CARS2: variants seen among roughly 807,000 people sequenced by gnomAD.
The protein encoded by CARS2 is probable cysteine--tRNA ligase, mitochondrial.
In CARS2, 52 loss-of-function variants were observed where a neutral mutation model predicts 68.8. That is an observed-to-expected ratio of 0.76 (90% CI 0.61 to 0.95). The LOEUF (loss-of-function observed/expected upper bound fraction) is 0.95. CARS2 is among the 40% of genes least tolerant of loss of function. CARS2 has a pLI of 0.00. For missense variants in CARS2, 780 were observed against 754.2 expected (o/e 1.03, Z -0.40); for synonymous variants, 314 against 303.6 (o/e 1.03, Z -0.36).
At chr13:110,659,161 C>G (rs148819079) in intron 9 of CARS2, among the ~76,000 whole-genome samples, 1 of 152,072 alleles carries the variant, frequency 6.6e-6, no homozygotes, top group Non-Finnish European at 1.5e-5. Context: ...TGCACACACA[C>G]GCTCACCACT....
intron 11 of CARS2, 95 bp from the exon 12 acceptor site, chr13:110,646,185 G>C (rs74127066): frequency 7.1e-7 from 1 of 1,407,592 alleles, no homozygotes; most frequent in African/African-American, 1.5e-5. Flanking sequence ...GACGCTGGGG[G>C]CTCTAATCTG....
intron 10 of CARS2, chr13:110,650,110 T>C (rs987576403): frequency 2.7e-4 from 41 of 151,826 alleles, no homozygotes; most frequent in African/African-American, 9.2e-4. Flanking sequence ...TTTTTTGTAT[T>C]TTTTTCAGAT....
intron 13 of CARS2, 92 bp downstream of exon 13, chr13:110,644,293 C>T: frequency 7.2e-7 from 1 of 1,382,108 alleles, no homozygotes; most frequent in South Asian, 1.2e-5. Flanking sequence ...AGTGTGGCAT[C>T]ATAATGCTCT....
In CARS2 at chr13:110,683,060, C is replaced by G; in HGVS notation, c.646G>C (p.Gly216Arg). The G allele has an allele frequency of 6.2e-7, 1 of 1,600,526 alleles. No individual in the cohort carries two copies. Among genetic ancestry groups the G allele is most frequent in the Non-Finnish European group, 8.5e-7 (1 of 1,175,376 alleles). ...KLVGVVPGPVGEPADSDKRHA... is the reference protein window; with the variant it reads ...KLVGVVPGPVREPADSDKRHA... ...AGCCCGGCCAACCCACCTGGCTCTC[C>G]GACTGGACCAGGGACCACGCCGACC... The change falls in exon 6 of 15, where the codon GGA becomes CGA. Residue 216 changes from glycine to arginine, a missense_variant. Coordinates refer to ENST00000257347, the MANE Select transcript of CARS2 (RefSeq NM_024537.4).
At chr13:110,695,204 C>T (rs2063586149) in intron 3 of CARS2, among the ~76,000 whole-genome samples, 1 of 152,092 alleles carries the variant, frequency 6.6e-6, no homozygotes, top group Non-Finnish European at 1.5e-5. Context: ...ATCCCTGAGC[C>T]TGGGAGGGTG....
At chr13:110,698,489 C>T (rs1320805676) in intron 3 of CARS2, among the ~76,000 whole-genome samples, 2 of 151,152 alleles carry the variant, frequency 1.3e-5, no homozygotes, top group East Asian at 1.9e-4. Flanking sequence ...CATTGCACTC[C>T]AGCCTGTGCA....
At position 110,670,779 on chromosome 13, in the gene CARS2, A is replaced by G. The variant is rs1461616119; in HGVS notation, c.786-3306T>C. ...ACAAACTTCTCCGAGCTAAAGGAGG[A>G]TGTTTGAACCCATCATAAAGAAGCT... On this transcript the variant is annotated intron_variant, in intron 7 of 14. Coordinates refer to ENST00000257347, the MANE Select transcript of CARS2 (RefSeq NM_024537.4). This position sits in a 1 kb window ranked among gnomAD's most constrained non-coding sequence, Gnocchi z 4.1. Among the ~76,000 whole-genome samples the G allele has an allele frequency of 6.6e-6, 1 of 152,232 alleles. No individual in the cohort carries two copies. Among genetic ancestry groups the G allele is most frequent in the Non-Finnish European group, 1.5e-5 (1 of 68,046 alleles).
intron 2 of CARS2, among the ~76,000 whole-genome samples, chr13:110,703,615 T>C (rs1021222905): frequency 2.0e-5 from 3 of 152,264 alleles, no homozygotes; most frequent in African/African-American, 7.2e-5. Flanking sequence ...CAACAACTTT[T>C]AGGATTTCTT....
At chr13:110,643,189 C>A (rs776626157) in intron 13 of CARS2, 41 of 190,240 alleles carry the variant, frequency 2.2e-4, no homozygotes, top group Non-Finnish European at 4.2e-4. Flanking sequence ...AGAGTGGGCC[C>A]AGACATTGGG....
At chr13:110,712,681 C>T (rs1421153325) in intron 1 of CARS2, 1 of 662,840 alleles carries the variant, frequency 1.5e-6, no homozygotes, top group African/African-American at 1.8e-5. Context: ...CCTCAGGACG[C>T]CGGCCGACCG....
At chr13:110,686,081 T>C (rs1024542938) in intron 5 of CARS2, among the ~76,000 whole-genome samples, 5 of 150,958 alleles carry the variant, frequency 3.3e-5, no homozygotes, top group Non-Finnish European at 5.9e-5. Context: ...ACGCAGCACA[T>C]GCCCTGGGGA....
intron 3 of CARS2, among the ~76,000 whole-genome samples, chr13:110,700,971 C>T (rs2063767630): frequency 6.6e-6 from 1 of 152,242 alleles, no homozygotes; most frequent in Admixed American, 6.5e-5. Flanking sequence ...ACCCTGCTAA[C>T]CCAGCACTGT....
intron 3 of CARS2, among the ~76,000 whole-genome samples, chr13:110,695,053 C>A (rs2063581792): frequency 6.6e-6 from 1 of 152,092 alleles, no homozygotes; most frequent in Admixed American, 6.5e-5. Flanking sequence ...GAGGCCAAGG[C>A]AGGAGGGTTG....
intron 3 of CARS2, among the ~76,000 whole-genome samples, chr13:110,697,109 C>T (rs1047764463): frequency 1.3e-5 from 2 of 152,222 alleles, no homozygotes; most frequent in Admixed American, 6.5e-5. Flanking sequence ...ATGAGAGGCA[C>T]GAAGCTACCA....
At chr13:110,680,204 C>T (rs921411868) in intron 6 of CARS2, among the ~76,000 whole-genome samples, 1 of 150,866 alleles carries the variant, frequency 6.6e-6, no homozygotes, top group African/African-American at 2.4e-5. Context: ...CCAGCCTGGC[C>T]AACACGGCAA....
intron 12 of CARS2, chr13:110,645,201 G>T (rs1450017856): frequency 6.6e-6 from 1 of 152,438 alleles, no homozygotes; most frequent in Non-Finnish European, 1.5e-5. Context: ...GGCGAGCCCT[G>T]CGCGTCTGCA....
chr13:110,688,615 T>A (rs1375409770), intron 3 of CARS2, among the ~76,000 whole-genome samples: 1 of 151,980 alleles, frequency 6.6e-6, no homozygotes, highest in Non-Finnish European at 1.5e-5. Context: ...GTCAAAAATA[T>A]ACTAAAGAGG....
Position 110,644,456 on chromosome 13 carries a change from C to T in CARS2, c.1345G>A (p.Val449Met). ...KEPEGPRSPA[V>M]FGAIISYFEQ... The stretch of plus-strand genomic sequence containing the variant: ...AAGTAAGAGATGATGGCACCAAACA[C>T]AGCAGGACTTCTCGGCCCTTCAGGT... The change falls in exon 13 of 15, where the codon GTG becomes ATG. Residue 449 changes from valine to methionine, a missense_variant. Transcript: ENST00000257347. The T allele has an allele frequency of 1.2e-6, 2 of 1,614,088 alleles. No individual in the cohort carries two copies. The highest frequency in any genetic ancestry group is 1.6e-4 in the Middle Eastern group (1 of 6,062).
At chr13:110,641,954 C>T (rs756356218) in intron 14 of CARS2, among the ~76,000 whole-genome samples, 13 of 152,214 alleles carry the variant, frequency 8.5e-5, no homozygotes, top group Non-Finnish European at 1.5e-4. Context: ...GTAATCCTGG[C>T]ACTTTGGGAG....
Sources: allele counts gnomAD v4.1 joint callset (sites outside exome capture counted in the v4.1 genomes callset), GRCh38; gene constraint gnomAD v4.1.1; non-coding constraint Gnocchi (gnomAD v3.1); transcripts MANE v1.5; gene names NCBI Gene and HGNC (gene_info 2026-07-23, HGNC 2026-07-21).